Variants in SLFN13 observed in about 807,000 individuals in gnomAD.
SLFN13 encodes schlafen family member 13.
In SLFN13, 43 loss-of-function variants were observed where a neutral mutation model predicts 50.6. The observed-to-expected ratio is 0.85, with a 90% CI of 0.67 to 1.09. The LOEUF (loss-of-function observed/expected upper bound fraction) is 1.09. Ranked by LOEUF, SLFN13 falls within the 50% of genes least tolerant of loss-of-function variation. SLFN13 has a pLI of 0.00. For synonymous variants in SLFN13, 339 were observed against 386.5 expected, an observed-to-expected ratio of 0.88 and a Z score of 1.44; for missense variants, 881 against 1,071.1, an observed-to-expected ratio of 0.82 and a Z score of 2.48.
At chr17:35,449,766 C>T (rs551743581), upstream of SLFN13, among the ~76,000 whole-genome samples, 6 of 152,308 alleles carry the variant, frequency 3.9e-5, no homozygotes, top group African/African-American at 7.2e-5. Context: ...AGCAGTGTGA[C>T]GGTTACCGGG....
In SLFN13 at chr17:35,444,680, C is replaced by A; in HGVS notation, c.1001G>T (p.Arg334Met). ...TGTCAAGGGGCGGATGTACTTCTCC[C>A]TCACCATCCATGACTTGGGAGCTTC... Reference protein sequence around the residue: ...FSEAPKSWMVREKYIRPLTTE... With the variant: ...FSEAPKSWMVMEKYIRPLTTE... Residue 334 changes from arginine (R) to methionine (M), a missense_variant, in exon 3 of 6, where the codon AGG becomes ATG. Coordinates refer to ENST00000285013, the MANE Select transcript of SLFN13 (RefSeq NM_144682.6). 1 of 1,614,202 alleles carries A rather than the reference C, an allele frequency of 6.2e-7. No individual in the cohort carries two copies. Among genetic ancestry groups the A allele is most frequent in the Non-Finnish European group, 8.5e-7 (1 of 1,180,032 alleles).
In SLFN13 at chr17:35,437,057, T is replaced by TA. The variant is rs1388104674; in HGVS notation, c.*3537dup. The TA allele has an allele frequency of 6.6e-6, 1 of 152,134 alleles. No homozygotes were observed. Among genetic ancestry groups the TA allele is most frequent in the Non-Finnish European group, 1.5e-5 (1 of 68,022 alleles). 9.4% of individuals were successfully genotyped at this position (152,134 alleles called of 1,614,324 possible). The stretch of plus-strand genomic sequence containing the variant: ...GTAAATGGGAACCCTGTCCGCTACT[T>TA]ACTTTTGAATCTCAGGAAGAAAAAT... On this transcript the variant is annotated 3_prime_UTR_variant, in exon 6 of 6. Transcript: ENST00000285013.
At position 35,438,175 on chromosome 17, in the gene SLFN13, A is replaced by G. The variant is rs116255439; in HGVS notation, c.*2420T>C. 6.2e-4 allele frequency: 94 copies of G among 151,468 alleles called. No homozygotes were observed. The highest frequency in any genetic ancestry group is 2.2e-3 in the African/African-American group (91 of 41,372). 9.4% of individuals were successfully genotyped at this position (151,468 alleles called of 1,614,324 possible). A position where few individuals can be genotyped will look rare whatever the true frequency, so the allele number is the denominator to read the frequency against. On this transcript the variant is annotated 3_prime_UTR_variant, in exon 6 of 6. Coordinates refer to ENST00000285013, the MANE Select transcript of SLFN13 (RefSeq NM_144682.6). ...CTTTTACTGGCTCATTTTTGGCTGT[A>G]TCATGGAGTTGCTGGCCTCAGTCTT... is the stretch of plus-strand genomic sequence containing the variant.
chr17:35,443,792 GAAAT>G lies in SLFN13; in HGVS notation c.1191_1194del (p.Leu397PhefsTer26). ...TGTAAAAACTGGCAGTCAGTACCTG[GAAAT>G]AAATGTTGTTGTAGATCAGCTTTGT... is the stretch of plus-strand genomic sequence containing the variant. On this transcript the variant is annotated frameshift_variant, in exon 4 of 6. Transcript: ENST00000285013. LOFTEE classifies it high-confidence loss of function. The G allele has an allele frequency of 6.2e-7, 1 of 1,608,166 alleles. No homozygotes were observed. The highest frequency in any genetic ancestry group is 8.5e-7 in the Non-Finnish European group (1 of 1,175,814).
At chr17:35,442,781 T>C (rs1912992269) in intron 4 of SLFN13, among the ~76,000 whole-genome samples, 1 of 152,204 alleles carries the variant, frequency 6.6e-6, no homozygotes, top group Non-Finnish European at 1.5e-5. Flanking sequence ...ACAAATCTGG[T>C]AAAATGAATG....
rs1364927805 is a variant in SLFN13, at chr17:35,437,679, C to T, written c.*2916G>A. On this transcript the variant is annotated 3_prime_UTR_variant, in exon 6 of 6. Coordinates refer to ENST00000285013, the MANE Select transcript of SLFN13 (RefSeq NM_144682.6). ...GTGGCAGGAGACTACAAGGACAGATCTGTGAGCATTCCTGGAATTCTCAGA... is the reference window on the plus strand; with the variant it reads ...GTGGCAGGAGACTACAAGGACAGATTTGTGAGCATTCCTGGAATTCTCAGA... 1.3e-5 allele frequency: 2 copies of T among 151,994 alleles called. No homozygotes were observed. The highest frequency in any genetic ancestry group is 2.4e-5 in the African/African-American group (1 of 41,408). 9.4% of individuals were successfully genotyped at this position (151,994 alleles called of 1,614,324 possible).
At chr17:35,444,058 A>C (rs188304371) in intron 3 of SLFN13, 138 bp from the exon 4 acceptor site, 2 of 744,606 alleles carry the variant, frequency 2.7e-6, no homozygotes, top group East Asian at 5.8e-5. Context: ...CCCTTTCTTG[A>C]CTCTATGTCC....
chr17:35,438,474 T>G lies in SLFN13; in HGVS notation c.*2121A>C, dbSNP rs1567858655. On this transcript the variant is annotated 3_prime_UTR_variant, in exon 6 of 6. Coordinates refer to ENST00000285013, the MANE Select transcript of SLFN13 (RefSeq NM_144682.6). ...GATTCAACCAGTCAGAATTAGACTT[T>G]TAAAGAATTACTCTCAAAGGCTGAA... 1 of 152,152 alleles carries G rather than the reference T, an allele frequency of 6.6e-6. No individual in the cohort carries two copies. The highest frequency in any genetic ancestry group is 1.5e-5 in the Non-Finnish European group (1 of 68,034). 9.4% of individuals were successfully genotyped at this position (152,152 alleles called of 1,614,324 possible). A position where few individuals can be genotyped will look rare whatever the true frequency, so the allele number is the denominator to read the frequency against.
Position 35,440,502 on chromosome 17 carries a change from G to T in SLFN13, c.*93C>A. 2 of 1,434,690 alleles carry T rather than the reference G, an allele frequency of 1.4e-6. No homozygotes were observed. The highest frequency in any genetic ancestry group is 9.6e-7 in the Non-Finnish European group (1 of 1,047,054). The allele number at this position is 1,434,690 out of a possible 1,614,324, so 88.9% of individuals were successfully genotyped here. Reference sequence around the variant, plus strand: ...CTCTGTCCAAATCTCTAACTGACTTGTGAACTAAAAAGAAAGGTTTCTACC... The same window carrying T: ...CTCTGTCCAAATCTCTAACTGACTTTTGAACTAAAAAGAAAGGTTTCTACC... On this transcript the variant is annotated 3_prime_UTR_variant, in exon 6 of 6. Transcript: ENST00000285013.
Position 35,445,152 on chromosome 17 carries a change from T to C in SLFN13, c.529A>G (p.Lys177Glu). The change falls in exon 3 of 6, where the codon AAA (lysine) becomes GAA (glutamate). Residue 177 changes from lysine to glutamate, a missense_variant. Coordinates refer to ENST00000285013, the MANE Select transcript of SLFN13 (RefSeq NM_144682.6). ...NEGSPPSKIM[K>E]AVYQNISESN... The stretch of plus-strand genomic sequence containing the variant: ...TCAGATATGTTCTGGTATACAGCTT[T>C]CATAATTTTACTAGGTGGAGACCCT... 1 of 1,613,216 alleles carries C rather than the reference T, an allele frequency of 6.2e-7. No individual in the cohort carries two copies. Among genetic ancestry groups the C allele is most frequent in the Non-Finnish European group, 8.5e-7 (1 of 1,180,006 alleles).
rs556356780 is a variant in SLFN13 at position 35,445,617 on chromosome 17, C to T, written c.64G>A (p.Gly22Arg). The T allele has an allele frequency of 1.9e-5, 30 of 1,614,054 alleles. No individual in the cohort carries two copies. Among genetic ancestry groups the T allele is most frequent in the Admixed American group, 6.7e-5 (4 of 60,006 alleles). ...PSYPDLVIDV[G>R]EVTLGEENRK... The stretch of plus-strand genomic sequence containing the variant: ...TTTTCTTCTCCCAGAGTCACTTCTC[C>T]GACATCGATGACCAGGTCTGGGTAA... Residue 22 changes from glycine (G) to arginine (R), a missense_variant, in exon 3 of 6, where the codon GGA becomes AGA. Physicochemically the swap from Gly to Arg is moderately radical, Grantham distance 125. This residue lies in a region of SLFN13 where 497 missense variants were observed against 518.3 expected (regional missense o/e 0.96). Transcript: ENST00000285013.
At chr17:35,449,076 A>AACAAC (rs58902173), upstream of SLFN13, among the ~76,000 whole-genome samples, 842 of 115,678 alleles carry the variant, frequency 7.3e-3, 4 homozygotes, top group African/African-American at 0.025. Flanking sequence ...ACAACAACAA[A>AACAAC]ATTACTCAGG....
chr17:35,445,667 T>C lies in SLFN13; in HGVS notation c.14A>G (p.His5Arg). 1 of 1,599,988 alleles carries C rather than the reference T, an allele frequency of 6.3e-7. No individual in the cohort carries two copies. The highest frequency in any genetic ancestry group is 8.5e-7 in the Non-Finnish European group (1 of 1,172,212). MEAN[H>R]CSLGVYPSYP... The stretch of plus-strand genomic sequence containing the variant: ...AGATGGATACACACCCAGGGAGCAG[T>C]GATTTGCCTCCATGTTGAACTTGCA... Residue 5 changes from histidine (H) to arginine (R), a missense_variant, in exon 3 of 6, where the codon CAC becomes CGC. By Grantham distance (29) the His-to-Arg change is conservative. Coordinates refer to ENST00000285013, the MANE Select transcript of SLFN13 (RefSeq NM_144682.6).
chr17:35,449,588 G>A (rs961851050), upstream of SLFN13, among the ~76,000 whole-genome samples: 1 of 152,226 alleles, frequency 6.6e-6, no homozygotes, highest in African/African-American at 2.4e-5. Context: ...TTGTGGCTCC[G>A]CAGACCCCGC....
In SLFN13 at chr17:35,442,267, TTC is replaced by T; in HGVS notation, c.1216_1217del (p.Glu406MetfsTer15). ...CCTTCCAGAGGGACTCTGGAGTACA[TTC>T]CAAATGTCCTGGTGGAACTAGACAG... Reference protein sequence around the residue: ...HLFPVPPGHLECTPESLWKEL... With the variant: ...HLFPVPPGHLXCTPESLWKEL... On this transcript the variant is annotated frameshift_variant, in exon 5 of 6. Transcript: ENST00000285013. LOFTEE classifies it high-confidence loss of function. 1.3e-6 allele frequency: 2 copies of T among 1,595,058 alleles called. No homozygotes were observed. Among genetic ancestry groups the T allele is most frequent in the East Asian group, 2.2e-5 (1 of 44,732 alleles).
rs1289217669 is a variant in SLFN13 at position 35,445,266 on chromosome 17, C to G, written c.415G>C (p.Gly139Arg). ...GAATTCATGTGAAGCACAGAGGTGCCAGATCTACAGTATAATGAAGAACTA... is the reference window on the plus strand; with the variant it reads ...GAATTCATGTGAAGCACAGAGGTGCGAGATCTACAGTATAATGAAGAACTA... ...SLSSSLYCRS[G>R]TSVLHMNSRQ... The change falls in exon 3 of 6, where the codon GGC becomes CGC. Residue 139 changes from glycine (G) to arginine (R), a missense_variant. By Grantham distance (125) the Gly-to-Arg change is moderately radical (BLOSUM62 -2). Transcript: ENST00000285013. 3.7e-6 allele frequency: 6 copies of G among 1,613,818 alleles called. No individual in the cohort carries two copies. Among genetic ancestry groups the G allele is most frequent in the Admixed American group, 1.7e-5 (1 of 60,000 alleles).
Position 35,440,964 on chromosome 17 carries a change from G to A in SLFN13, c.2325C>T (p.Gly775=), listed in dbSNP as rs1567860437. 1 of 1,613,030 alleles carries A rather than the reference G, an allele frequency of 6.2e-7. No homozygotes were observed. The highest frequency in any genetic ancestry group is 8.5e-7 in the Non-Finnish European group (1 of 1,180,002). The change falls in exon 6 of 6, where the codon GGC becomes GGT. Residue 775 remains glycine, a synonymous_variant. Coordinates refer to ENST00000285013, the MANE Select transcript of SLFN13 (RefSeq NM_144682.6). The part of the protein sequence containing the change: ...SEAKWVPGVP[G]NTKIIKNFTL... ...TAAAGTTTTTAATAATCTTTGTGTT[G>A]CCTGGAACACCTGGAACCCATTTAG...
chr17:35,442,875 G>A (rs927976865), intron 4 of SLFN13, among the ~76,000 whole-genome samples: 4 of 152,190 alleles, frequency 2.6e-5, no homozygotes, highest in African/African-American at 7.2e-5. Context: ...TGAAAGCCAT[G>A]TATTCAATTA....
upstream of SLFN13, among the ~76,000 whole-genome samples, chr17:35,449,563 G>C (rs1419591188): frequency 6.6e-6 from 1 of 152,182 alleles, no homozygotes; most frequent in Non-Finnish European, 1.5e-5. Flanking sequence ...GGCGGCACTC[G>C]GTTCCTGGCT....
Sources: gnomAD v4.1 joint callset for allele counts (sites outside exome capture counted in the v4.1 genomes callset) on GRCh38, gnomAD v4.1.1 for gene constraint, gnomAD v4.1.1 regional missense constraint, MANE v1.5 for transcripts, NCBI Gene and HGNC (gene_info 2026-07-23, HGNC 2026-07-21) for gene names.